Variants in FGF13 observed in about 807,000 individuals in gnomAD.
FGF13 encodes fibroblast growth factor homologous factor 2.
FGF13 carries 2 observed loss-of-function variants against 19.5 expected under a neutral mutation model. The ratio of observed to expected loss-of-function variants is 0.10; its 90% CI spans 0.04 to 0.32. FGF13 has a LOEUF of 0.32. Ranked by LOEUF, FGF13 falls within the 10% of genes least tolerant of loss-of-function variation. The probability of loss-of-function intolerance (pLI) is 1.00; values close to 1 mark genes in which losing one functional copy is unlikely to be tolerated. For missense variants in FGF13, 113 were observed against 192.7 expected, an observed-to-expected ratio of 0.59 and a Z score of 2.45; for synonymous variants, 72 against 76.9, an observed-to-expected ratio of 0.94 and a Z score of 0.33.
intron 1 of FGF13, among the ~76,000 whole-genome samples, chrX:138,950,732 T>C (rs1424974311): frequency 5.4e-5 from 6 of 111,772 alleles, no homozygotes; most frequent in African/African-American, 1.9e-4. Flanking sequence ...TGTCTGTGCT[T>C]GGAGATTCAG....
chrX:138,617,664 G>T lies in FGF13; in HGVS notation c.*15186C>A, dbSNP rs2088980750. The stretch of plus-strand genomic sequence containing the variant: ...AAGAGAGTGAGAAGGGGATAGCTGG[G>T]CACAGTGACTCACAATTGGTATCCT... On this transcript the variant is annotated 3_prime_UTR_variant, in exon 5 of 5. Coordinates refer to ENST00000315930, the MANE Select transcript of FGF13 (RefSeq NM_004114.5). The T allele has an allele frequency of 8.9e-6, 1 of 111,742 alleles. No homozygotes were observed. Among genetic ancestry groups the T allele is most frequent in the Non-Finnish European group, 1.9e-5 (1 of 53,209 alleles). 9.2% of individuals were successfully genotyped at this position (111,742 alleles called of 1,213,427 possible). A position where few individuals can be genotyped will look rare whatever the true frequency, so the allele number is the denominator to read the frequency against.
chrX:138,826,081 G>C (rs1429482519), intron 3 of FGF13, among the ~76,000 whole-genome samples: 2 of 111,827 alleles, frequency 1.8e-5, no homozygotes, highest in African/African-American at 6.5e-5. Context: ...TTTCTGGATT[G>C]AATAGCCATC....
rs749437744 is a variant in FGF13, at chrX:139,200,861, A to T, written c.-113+2555T>A. On this transcript the variant is annotated intron_variant, in intron 1 of 2. Coordinates refer to the FGF13 transcript ENST00000421460. ...CCTTAACTGAGTGCTTTTCCAACAGAAGACTGCTGAAAAGATCTTATGTGA... is the reference window on the plus strand; with the variant it reads ...CCTTAACTGAGTGCTTTTCCAACAGTAGACTGCTGAAAAGATCTTATGTGA... 2.7e-5 allele frequency among the ~76,000 whole-genome samples: 3 copies of T among 112,479 alleles called. No individual in the cohort carries two copies. In the South Asian group the frequency reaches 1.1e-3, roughly 42 times the overall value.
chrX:138,783,404 C>T (rs1221219522), intron 3 of FGF13, among the ~76,000 whole-genome samples: 1 of 106,141 alleles, frequency 9.4e-6, no homozygotes, highest in African/African-American at 3.5e-5. Flanking sequence ...AAAATTTTTG[C>T]AACCTACTCA....
intron 3 of FGF13, among the ~76,000 whole-genome samples, chrX:138,804,147 A>C (rs1460938704): frequency 9.0e-6 from 1 of 111,492 alleles, no homozygotes; most frequent in African/African-American, 3.3e-5. Flanking sequence ...CTCCCACAGA[A>C]TTTACATTTT....
chrX:138,862,409 A>T (rs2091293616), intron 2 of FGF13, among the ~76,000 whole-genome samples: 1 of 112,162 alleles, frequency 8.9e-6, no homozygotes, highest in Non-Finnish European at 1.9e-5. Context: ...TGGGACTACC[A>T]ATCAAAATTA....
chrX:138,695,034 A>AC (rs1569366564), intron 3 of FGF13, among the ~76,000 whole-genome samples: 2 of 85,498 alleles, frequency 2.3e-5, no homozygotes, highest in Non-Finnish European at 2.4e-5. Context: ...CACACACACA[A>AC]ACCCAGAAAA....
chrX:139,046,021 T>C (rs1040227972), intron 1 of FGF13, among the ~76,000 whole-genome samples: 1 of 111,957 alleles, frequency 8.9e-6, no homozygotes, highest in Non-Finnish European at 1.9e-5. Context: ...TGTTAGGCCA[T>C]TCTTGCTTTG....
In FGF13 at chrX:138,772,028, A is replaced by G. The variant is rs1192584968; in HGVS notation, c.218-63100T>C. On this transcript the variant is annotated intron_variant, in intron 3 of 6. Transcript: ENST00000436198. ...TTAAGATACATATGTGTATATATATATATATATATATATATATATATATAT... is the reference window on the plus strand; with the variant it reads ...TTAAGATACATATGTGTATATATATGTATATATATATATATATATATATAT... Among the ~76,000 whole-genome samples the G allele has an allele frequency of 8.3e-4, 59 of 70,697 alleles. 1 individual carries two copies. The highest frequency in any genetic ancestry group is 3.6e-3 in the African/African-American group (55 of 15,392). The allele number at this position is 70,697 out of a possible 115,157, so 61.4% of individuals were successfully genotyped here.
chrX:138,844,286 TAAC>T (rs1272204001), intron 3 of FGF13, among the ~76,000 whole-genome samples: 1 of 112,136 alleles, frequency 8.9e-6, no homozygotes, highest in Non-Finnish European at 1.9e-5. Context: ...CGAGCAAGCT[TAAC>T]TACATTCAAA....
intron 3 of FGF13, among the ~76,000 whole-genome samples, chrX:138,750,669 T>C (rs1360940545): frequency 9.0e-6 from 1 of 111,722 alleles, no homozygotes; most frequent in Admixed American, 9.5e-5. Flanking sequence ...CGCACACATA[T>C]ACACATACAT....
At chrX:138,678,878 A>G (rs2089699987) in intron 3 of FGF13, among the ~76,000 whole-genome samples, 1 of 112,124 alleles carries the variant, frequency 8.9e-6, no homozygotes, top group Non-Finnish European at 1.9e-5. Context: ...TTGCACTTCT[A>G]AGCTAAAATT....
chrX:138,896,499 TA>T (rs1176978063), intron 1 of FGF13, among the ~76,000 whole-genome samples: 1 of 111,536 alleles, frequency 9.0e-6, no homozygotes, highest in African/African-American at 3.3e-5. Flanking sequence ...TTAATCTTCA[TA>T]AAACATTGAT....
chrX:138,758,498 T>A (rs1460741256), intron 3 of FGF13, among the ~76,000 whole-genome samples: 1 of 110,882 alleles, frequency 9.0e-6, no homozygotes, highest in Non-Finnish European at 1.9e-5. Flanking sequence ...GCATTGCAGC[T>A]CTCCACTCAT....
At chrX:139,050,047 T>C (rs776852508) in intron 1 of FGF13, among the ~76,000 whole-genome samples, 1 of 112,044 alleles carries the variant, frequency 8.9e-6, no homozygotes, top group South Asian at 3.8e-4. Flanking sequence ...TGTCATTCAC[T>C]GAGTAGGTGC....
In FGF13 at chrX:138,622,316, A is replaced by C. The variant is rs1569347122; in HGVS notation, c.*10534T>G. On this transcript the variant is annotated 3_prime_UTR_variant, in exon 5 of 5. Coordinates refer to ENST00000315930, the MANE Select transcript of FGF13 (RefSeq NM_004114.5). Reference sequence around the variant, plus strand: ...ATGGCTCAACATACTCAAATCAATAAATATGAACAATAAGACAATGAAGGA... The same window carrying C: ...ATGGCTCAACATACTCAAATCAATACATATGAACAATAAGACAATGAAGGA... The C allele has an allele frequency of 8.9e-6, 1 of 111,900 alleles. No homozygotes were observed. Among genetic ancestry groups the C allele is most frequent in the East Asian group, 2.8e-4 (1 of 3,548 alleles). 9.2% of individuals were successfully genotyped at this position (111,900 alleles called of 1,213,427 possible). A position where few individuals can be genotyped will look rare whatever the true frequency, so the allele number is the denominator to read the frequency against.
At chrX:139,160,289 C>T (rs1193887589) in intron 1 of FGF13, among the ~76,000 whole-genome samples, 3 of 111,749 alleles carry the variant, frequency 2.7e-5, no homozygotes, top group African/African-American at 9.8e-5. Flanking sequence ...TCTTTGAAAC[C>T]AATGAGAACA....
In FGF13 at chrX:139,058,744, G is replaced by C. The variant is rs182768232; in HGVS notation, c.-113+144672C>G. Reference sequence around the variant, plus strand: ...AACAAATGTATTATAATAGTTGCAGGTTCCTGGAATGAAGAGAAAAAGTTC... The same window carrying C: ...AACAAATGTATTATAATAGTTGCAGCTTCCTGGAATGAAGAGAAAAAGTTC... On this transcript the variant is annotated intron_variant, in intron 1 of 2. Coordinates refer to the FGF13 transcript ENST00000421460. Among the ~76,000 whole-genome samples, 55 of 110,978 alleles carry C rather than the reference G, an allele frequency of 5.0e-4. No homozygotes were observed. In the East Asian group the frequency reaches 0.012, roughly 24 times the overall value.
At chrX:139,140,168 A>G (rs919412684) in intron 1 of FGF13, among the ~76,000 whole-genome samples, 1 of 111,397 alleles carries the variant, frequency 9.0e-6, no homozygotes, top group Non-Finnish European at 1.9e-5. Flanking sequence ...TCATATATCC[A>G]ATGATCTACT....
Sources: allele counts gnomAD v4.1 joint callset (sites outside exome capture counted in the v4.1 genomes callset), GRCh38; gene constraint gnomAD v4.1.1; transcripts MANE v1.5; gene names NCBI Gene and HGNC (gene_info 2026-07-23, HGNC 2026-07-21).